The following E2F2 variants were observed in gnomAD, a reference collection of about 807,000 sequenced individuals.
E2F2 encodes E2F transcription factor 2, also known as transcription factor E2F2.
In E2F2, 22 loss-of-function variants were observed where a neutral mutation model predicts 42.2. The ratio of observed to expected loss-of-function variants is 0.52; its 90% CI spans 0.37 to 0.74. The LOEUF (loss-of-function observed/expected upper bound fraction) is 0.74, where lower values mean the gene tolerates loss of function less well. Ranked by LOEUF, E2F2 falls within the 30% of genes least tolerant of loss-of-function variation. The pLI is 0.00. For synonymous variants in E2F2, 248 were observed against 251.6 expected, an observed-to-expected ratio of 0.99 and a Z score of 0.13; for missense variants, 481 against 557.8, an observed-to-expected ratio of 0.86 and a Z score of 1.39.
At position 23,516,431 on chromosome 1, in the gene E2F2, G is replaced by T. The variant is rs1329751602; in HGVS notation, c.949C>A (p.Pro317Thr). The change falls in exon 6 of 7, where the codon CCT (proline) becomes ACT (threonine). Residue 317 changes from proline to threonine, a missense_variant. Transcript: ENST00000361729. ...CAGAGGGTGGAGGTAGAGGGGAGAG[G>T]CTCCTCGGAAGGACTGTCCGGCTCC... is the stretch of plus-strand genomic sequence containing the variant. ...VQEPDSPSEE[P>T]LPSTSTLCPS... 1.9e-6 allele frequency: 3 copies of T among 1,603,828 alleles called. No homozygotes were observed. The highest frequency in any genetic ancestry group is 2.6e-6 in the Non-Finnish European group (3 of 1,175,580).
intron 4 of E2F2, among the ~76,000 whole-genome samples, chr1:23,520,374 C>T (rs144666986): frequency 9.4e-4 from 142 of 151,800 alleles, no homozygotes; most frequent in African/African-American, 3.1e-3. Context: ...AAGGTGGCAG[C>T]TCATCATTCT....
At chr1:23,521,110 G>A (rs897085157) in intron 3 of E2F2, 39 bp from the exon 4 acceptor site, 29 of 1,567,590 alleles carry the variant, frequency 1.8e-5, no homozygotes, top group Non-Finnish European at 2.4e-5. Context: ...GTCTGTGGGT[G>A]AAACTCCAGA....
downstream of E2F2, among the ~76,000 whole-genome samples, chr1:23,506,024 C>T (rs1040642134): frequency 2.1e-4 from 32 of 152,148 alleles, no homozygotes; most frequent in African/African-American, 7.2e-4. Context: ...TCTTGAACTC[C>T]TAACTTCAAG....
rs1643328749 is a variant in E2F2 at position 23,530,817 on chromosome 1, A to G, written c.-24T>C. On this transcript the variant is annotated 5_prime_UTR_variant, in exon 1 of 7. Coordinates refer to ENST00000361729, the MANE Select transcript of E2F2 (RefSeq NM_004091.4). This position sits in a 1 kb window ranked among gnomAD's most constrained non-coding sequence, Gnocchi z 4.4. ...ATAGCGAGTAAGGCGCCCCCTACCC[A>G]AAAGGGCTTGGCGCGCCCGCGGACA... The G allele has an allele frequency of 2.7e-6, 4 of 1,472,384 alleles. No homozygotes were observed. The South Asian group carries it at 5.3e-5, about 20-fold the overall frequency. 91.2% of individuals were successfully genotyped at this position (1,472,384 alleles called of 1,614,324 possible).
chr1:23,521,607 C>A, intron 3 of E2F2: 1 of 985,444 alleles, frequency 1.0e-6, no homozygotes, highest in Non-Finnish European at 1.2e-6. Flanking sequence ...CCCCGCATCA[C>A]GTTCTCCGAT....
At chr1:23,513,763 C>G (rs1642961575) in intron 6 of E2F2, among the ~76,000 whole-genome samples, 1 of 152,028 alleles carries the variant, frequency 6.6e-6, no homozygotes, top group South Asian at 2.1e-4. Context: ...CTGGCCCCAC[C>G]AGACTGCTGT....
intron 4 of E2F2, among the ~76,000 whole-genome samples, chr1:23,520,057 A>G (rs1424843477): frequency 6.7e-6 from 1 of 148,390 alleles, no homozygotes; most frequent in Non-Finnish European, 1.5e-5. Flanking sequence ...CAGCCTGGGC[A>G]GCAATAGTAA....
intron 6 of E2F2, among the ~76,000 whole-genome samples, chr1:23,511,168 C>G (rs1414969778): frequency 6.6e-6 from 1 of 152,178 alleles, no homozygotes; most frequent in Non-Finnish European, 1.5e-5. Context: ...GGTCATTTCT[C>G]TGGCTTCATC....
chr1:23,513,570 G>A (rs1642955617), intron 6 of E2F2, among the ~76,000 whole-genome samples: 1 of 81,430 alleles, frequency 1.2e-5, no homozygotes, highest in Non-Finnish European at 2.9e-5. Flanking sequence ...ACATGTGTGT[G>A]TGTGTGTGTG....
At chr1:23,510,279 CTCAAAAT>C in intron 6 of E2F2, 131 bp from the exon 7 acceptor site, 2 of 1,391,636 alleles carry the variant, frequency 1.4e-6, no homozygotes, top group South Asian at 1.6e-5. Context: ...CTGTCGTGCT[CTCAAAAT>C]CCACCTTCCA....
chr1:23,519,642 A>C (rs991419177), intron 4 of E2F2, among the ~76,000 whole-genome samples: 1 of 152,236 alleles, frequency 6.6e-6, no homozygotes, highest in Non-Finnish European at 1.5e-5. Flanking sequence ...ATGTATAAAG[A>C]TATTCGGCCG....
In E2F2 at chr1:23,507,398, C is replaced by T. The variant is rs1223515070; in HGVS notation, c.*2482G>A. ...GGGCGTGGTGGTGCATGTCTATAGT[C>T]CCAGCTACTCTGGAGGCTGAGGCAG... On this transcript the variant is annotated 3_prime_UTR_variant, in exon 7 of 7. Transcript: ENST00000361729. 1.3e-5 allele frequency: 2 copies of T among 152,170 alleles called. No individual in the cohort carries two copies. The highest frequency in any genetic ancestry group is 4.8e-5 in the African/African-American group (2 of 41,304). The allele number at this position is 152,170 out of a possible 1,614,324, so 9.4% of individuals were successfully genotyped here.
At chr1:23,523,306 G>A (rs1158542337) in intron 2 of E2F2, among the ~76,000 whole-genome samples, 5 of 152,030 alleles carry the variant, frequency 3.3e-5, no homozygotes, top group South Asian at 2.1e-4. Flanking sequence ...ACAGGCATGC[G>A]CCACCACACC....
chr1:23,526,833 C>G (rs966293626), intron 1 of E2F2, among the ~76,000 whole-genome samples: 2 of 150,780 alleles, frequency 1.3e-5, no homozygotes, highest in Admixed American at 1.3e-4. Flanking sequence ...CCACCTGCCC[C>G]CATCACTGCA....
At chr1:23,528,993 G>T (rs1643294770) in intron 1 of E2F2, among the ~76,000 whole-genome samples, 1 of 152,130 alleles carries the variant, frequency 6.6e-6, no homozygotes, top group East Asian at 1.9e-4. Context: ...CAAGAGGATT[G>T]CTTGAGCCCA....
chr1:23,527,389 T>A (rs966615443), intron 1 of E2F2, among the ~76,000 whole-genome samples: 1 of 152,198 alleles, frequency 6.6e-6, no homozygotes, highest in African/African-American at 2.4e-5. Context: ...CTTAGCCCTA[T>A]CCTGGACGCT....
In E2F2 at chr1:23,516,638, C is replaced by G. The variant is rs956468455; in HGVS notation, c.853-111G>C. On this transcript the variant is annotated intron_variant, in intron 5 of 6. Coordinates refer to ENST00000361729, the MANE Select transcript of E2F2 (RefSeq NM_004091.4). ...GCCATCCATGGGTGCAAGCTCAAACCCTGGGCTGGCACTGAGACCAACTCC... is the reference window on the plus strand; with the variant it reads ...GCCATCCATGGGTGCAAGCTCAAACGCTGGGCTGGCACTGAGACCAACTCC... 8.3e-6 allele frequency: 7 copies of G among 845,460 alleles called. No homozygotes were observed. The African/African-American group carries it at 9.1e-5, about 11-fold the overall frequency. 52.4% of individuals were successfully genotyped at this position (845,460 alleles called of 1,614,324 possible).
rs1050077338 is a variant in E2F2, at chr1:23,508,054, T to G, written c.*1826A>C. ...TTAAGACGGGCGTCTGATAAGACCC[T>G]TGTGAGTATTTGGGTAGGAGACCAA... On this transcript the variant is annotated 3_prime_UTR_variant, in exon 7 of 7. Coordinates refer to ENST00000361729, the MANE Select transcript of E2F2 (RefSeq NM_004091.4). 2 of 152,204 alleles carry G rather than the reference T, an allele frequency of 1.3e-5. No individual in the cohort carries two copies. The highest frequency in any genetic ancestry group is 4.8e-5 in the African/African-American group (2 of 41,450). 9.4% of individuals were successfully genotyped at this position (152,204 alleles called of 1,614,324 possible).
chr1:23,512,295 A>G (rs1642924514), intron 6 of E2F2, among the ~76,000 whole-genome samples: 1 of 152,126 alleles, frequency 6.6e-6, no homozygotes, highest in African/African-American at 2.4e-5. Flanking sequence ...AATTGCTCCC[A>G]TTTACCAAGG....
Sources: allele counts gnomAD v4.1 joint callset (sites outside exome capture counted in the v4.1 genomes callset), GRCh38; gene constraint gnomAD v4.1.1; non-coding constraint Gnocchi (gnomAD v3.1); transcripts MANE v1.5; gene names NCBI Gene and HGNC (gene_info 2026-07-23, HGNC 2026-07-21).